Variants in HEXA observed in about 807,000 individuals in gnomAD.
HEXA encodes the protein hexosaminidase subunit alpha.
In HEXA, 54 loss-of-function variants were observed where a neutral mutation model predicts 73.3. That is an observed-to-expected ratio of 0.74 (90% CI 0.59 to 0.92). HEXA has a LOEUF of 0.92. Among genes scored for constraint, HEXA ranks in the 40% least tolerant of loss-of-function variants. The pLI, the probability that HEXA is intolerant of heterozygous loss-of-function variation, is 0.00. For missense variants in HEXA, 649 were observed against 653.0 expected, an observed-to-expected ratio of 0.99 and a Z score of 0.07; for synonymous variants, 230 against 246.9, an observed-to-expected ratio of 0.93 and a Z score of 0.64.
At chr15:72,352,145 A>G (rs544003572) in intron 5 of HEXA, among the ~76,000 whole-genome samples, 1 of 152,106 alleles carries the variant, frequency 6.6e-6, no homozygotes, top group South Asian at 2.1e-4. Flanking sequence ...TTCAGTAGAG[A>G]TGGGGTTTCA....
At chr15:72,373,613 T>G (rs1417153529) in intron 1 of HEXA, among the ~76,000 whole-genome samples, 1 of 152,238 alleles carries the variant, frequency 6.6e-6, no homozygotes, top group Non-Finnish European at 1.5e-5. Context: ...TTAGGGAATT[T>G]ATAGTATTCC....
Position 72,343,856 on chromosome 15 carries a change from CTT to C in HEXA, c.*219_*220del. 1.7e-5 allele frequency: 8 copies of C among 462,024 alleles called. No homozygotes were observed. The highest frequency in any genetic ancestry group is 3.9e-5 in the East Asian group (1 of 25,690). The allele number at this position is 462,024 out of a possible 1,614,324, so 28.6% of individuals were successfully genotyped here. On this transcript the variant is annotated 3_prime_UTR_variant, in exon 14 of 14. Transcript: ENST00000268097. ...TGCCCTTACCCTAACGCCATTCACACTTTTTTTTTTAAACACAGGTAATCCAT... is the reference window on the plus strand; with the variant it reads ...TGCCCTTACCCTAACGCCATTCACACTTTTTTTTAAACACAGGTAATCCAT...
chr15:72,355,711 C>CAA, intron 2 of HEXA, 87 bp from the exon 3 acceptor site: 1 of 880,492 alleles, frequency 1.1e-6, no homozygotes, highest in Admixed American at 1.9e-5. Flanking sequence ...AATCACTGGA[C>CAA]TAAAAAAAAA....
In HEXA at chr15:72,372,088, C is replaced by A. The variant is rs551460893; in HGVS notation, c.253+3632G>T. 6.6e-5 allele frequency among the ~76,000 whole-genome samples: 10 copies of A among 152,114 alleles called. No individual in the cohort carries two copies. In the South Asian group the frequency reaches 1.2e-3, roughly 19 times the overall value. The stretch of plus-strand genomic sequence containing the variant: ...TCATGGCCAGGTGCAGTGGCTCACA[C>A]CTGTAATCTTGAGGTGGGCAGATCA... On this transcript the variant is annotated intron_variant, in intron 1 of 13. Coordinates refer to ENST00000268097, the MANE Select transcript of HEXA (RefSeq NM_000520.6).
intron 1 of HEXA, chr15:72,359,694 A>C (rs1253818981): frequency 5.0e-5 from 1 of 19,890 alleles, no homozygotes. Context: ...AAACTGTCTC[A>C]AAAAAAAAAA....
Position 72,344,071 on chromosome 15 carries a change from T to G in HEXA, c.*6A>C. The G allele has an allele frequency of 2.5e-6, 4 of 1,612,868 alleles. No individual in the cohort carries two copies. The highest frequency in any genetic ancestry group is 3.4e-6 in the Non-Finnish European group (4 of 1,179,062). ...TACAGCCAGCACCCTCCTCGGTGCC[T>G]GGGGCTCAGGTCTGTTCAAACTCCT... is the stretch of plus-strand genomic sequence containing the variant. On this transcript the variant is annotated 3_prime_UTR_variant, in exon 14 of 14. Transcript: ENST00000268097.
intron 12 of HEXA, chr15:72,345,949 G>T: frequency 1.8e-6 from 1 of 544,568 alleles, no homozygotes; most frequent in Non-Finnish European, 3.3e-6. Flanking sequence ...GCTTGTGCTG[G>T]GTCTTGAGCA....
chr15:72,369,646 T>G (rs542258417), intron 1 of HEXA, among the ~76,000 whole-genome samples: 194 of 152,260 alleles, frequency 1.3e-3, no homozygotes, highest in African/African-American at 4.0e-3. Flanking sequence ...CAAGCCATCC[T>G]CCCACCTCAG....
At chr15:72,353,200 C>A (rs370829895) in intron 4 of HEXA, 22 bp from the exon 5 acceptor site, 14 of 1,422,824 alleles carry the variant, frequency 9.8e-6, no homozygotes, top group Non-Finnish European at 1.4e-5. Flanking sequence ...AAACATTGAA[C>A]ATGTCAGTTT....
At chr15:72,370,522 T>A (rs1357332084) in intron 1 of HEXA, 1 of 396,386 alleles carries the variant, frequency 2.5e-6, no homozygotes, top group Non-Finnish European at 4.4e-6. Context: ...AAGACCCCCA[T>A]CTCTACAAAA....
intron 1 of HEXA, among the ~76,000 whole-genome samples, chr15:72,371,532 G>C (rs2088991893): frequency 6.6e-6 from 1 of 150,874 alleles, no homozygotes; most frequent in African/African-American, 2.5e-5. Context: ...GCTGCAGTGG[G>C]CTGTGTTTGT....
Position 72,346,482 on chromosome 15 carries a change from C to T in HEXA, c.1330+45G>A, listed in dbSNP as rs941638811. 1.9e-6 allele frequency: 3 copies of T among 1,598,788 alleles called. No homozygotes were observed. The Admixed American group carries it at 5.0e-5, about 27-fold the overall frequency. On this transcript the variant is annotated intron_variant, in intron 11 of 13. Coordinates refer to ENST00000268097, the MANE Select transcript of HEXA (RefSeq NM_000520.6). The stretch of plus-strand genomic sequence containing the variant: ...CCTTCCTGCCTCCCATCCTGTGCCC[C>T]AACCCAGCCTCCTTTGGTTAGCAAG...
intron 4 of HEXA, 103 bp from the exon 5 acceptor site, chr15:72,353,281 G>C: frequency 4.0e-6 from 3 of 755,540 alleles, no homozygotes; most frequent in Non-Finnish European, 7.1e-6. Flanking sequence ...AAGCCAATCT[G>C]TGACTGTTCT....
At chr15:72,365,866 G>A (rs555314389) in intron 1 of HEXA, among the ~76,000 whole-genome samples, 1 of 152,088 alleles carries the variant, frequency 6.6e-6, no homozygotes, top group Non-Finnish European at 1.5e-5. Context: ...AGGGAAATCC[G>A]CCATGTCATA....
Position 72,343,818 on chromosome 15 carries a change from T to C in HEXA, c.*259A>G. The C allele has an allele frequency of 2.3e-6, 1 of 443,360 alleles. No individual in the cohort carries two copies. Among genetic ancestry groups the C allele is most frequent in the Non-Finnish European group, 4.2e-6 (1 of 237,818 alleles). 27.5% of individuals were successfully genotyped at this position (443,360 alleles called of 1,614,324 possible). On this transcript the variant is annotated 3_prime_UTR_variant, in exon 14 of 14. Coordinates refer to ENST00000268097, the MANE Select transcript of HEXA (RefSeq NM_000520.6). ...AAAGACCTCAGGGGCAGACACTGAC[T>C]CCAGCCTGGCTGTGCCCTTACCCTA...
intron 12 of HEXA, 130 bp from the exon 13 acceptor site, chr15:72,345,680 G>C: frequency 6.8e-7 from 1 of 1,480,194 alleles, no homozygotes; most frequent in Non-Finnish European, 9.1e-7. Context: ...TCAATACCTT[G>C]TTATGAGCCA....
rs764863374 is a variant in HEXA, at chr15:72,351,094, T to C, written c.672+39A>G. The C allele has an allele frequency of 1.2e-5, 16 of 1,293,838 alleles. No homozygotes were observed. In the East Asian group the frequency reaches 3.2e-4, roughly 26 times the overall value. The allele number at this position is 1,293,838 out of a possible 1,614,324, so 80.1% of individuals were successfully genotyped here. A position where few individuals can be genotyped will look rare whatever the true frequency, so the allele number is the denominator to read the frequency against. On this transcript the variant is annotated intron_variant, in intron 6 of 13. Transcript: ENST00000268097. ...GCAGGGCCACAGCCAGATTCAGACA[T>C]TGACCCATAAACTTGGTCTGAGTGA...
rs983092728 is a variant in HEXA at position 72,341,124 on chromosome 15, T to C, written c.*2953A>G. 6.6e-6 allele frequency: 1 copy of C among 152,132 alleles called. No individual in the cohort carries two copies. The highest frequency in any genetic ancestry group is 6.6e-5 in the Admixed American group (1 of 15,264). 9.4% of individuals were successfully genotyped at this position (152,132 alleles called of 1,614,324 possible). A position where few individuals can be genotyped will look rare whatever the true frequency, so the allele number is the denominator to read the frequency against. ...AATCTAGAATTTAGAGTGCTAGGAA[T>C]GTTGCCATAAGGTATGTGTACCTAC... On this transcript the variant is annotated 3_prime_UTR_variant, in exon 14 of 14. Coordinates refer to ENST00000268097, the MANE Select transcript of HEXA (RefSeq NM_000520.6).
chr15:72,370,525 C>A, intron 1 of HEXA: 1 of 397,116 alleles, frequency 2.5e-6, no homozygotes, highest in South Asian at 1.3e-4. Flanking sequence ...ACCCCCATCT[C>A]TACAAAATGC....
Sources: gnomAD v4.1 joint callset for allele counts (sites outside exome capture counted in the v4.1 genomes callset) on GRCh38, gnomAD v4.1.1 for gene constraint, MANE v1.5 for transcripts, NCBI Gene and HGNC (gene_info 2026-07-23, HGNC 2026-07-21) for gene names.